The following CRHR1 variants were observed in gnomAD, a reference collection of about 807,000 sequenced individuals.
CRHR1 encodes the protein corticotropin releasing hormone receptor 1.
CRHR1 carries 28 observed loss-of-function variants against 56.0 expected under a neutral mutation model. The ratio of observed to expected loss-of-function variants is 0.50; its 90% CI spans 0.37 to 0.69. The LOEUF is 0.69. Ranked by LOEUF, CRHR1 falls within the 30% of genes least tolerant of loss-of-function variation. The pLI, the probability that CRHR1 is intolerant of heterozygous loss-of-function variation, is 0.00. For synonymous variants in CRHR1, 195 were observed against 216.5 expected, an observed-to-expected ratio of 0.90 and a Z score of 0.87; for missense variants, 376 against 548.0, an observed-to-expected ratio of 0.69 and a Z score of 3.13.
intron 4 of CRHR1, 69 bp downstream of exon 4, chr17:45,821,509 T>G: frequency 2.1e-6 from 3 of 1,428,680 alleles, no homozygotes; most frequent in Middle Eastern, 1.7e-4. Context: ...GTTTTGTGCC[T>G]GCTACTTGGA....
At chr17:45,822,773 A>G (rs927071439) in intron 4 of CRHR1, among the ~76,000 whole-genome samples, 2 of 150,136 alleles carry the variant, frequency 1.3e-5, no homozygotes, top group Admixed American at 6.6e-5. Context: ...ATCGCTTGAA[A>G]CCAGGAGGCG....
chr17:45,794,233 G>C (rs1255494572), intron 1 of CRHR1, among the ~76,000 whole-genome samples: 3 of 152,246 alleles, frequency 2.0e-5, no homozygotes, highest in African/African-American at 4.8e-5. Context: ...GACGAGATGA[G>C]TCTTGACTGC....
chr17:45,808,824 T>C (rs1315631258), intron 2 of CRHR1, among the ~76,000 whole-genome samples: 1 of 152,018 alleles, frequency 6.6e-6, no homozygotes, highest in African/African-American at 2.4e-5. Flanking sequence ...ATTTTTAAAA[T>C]TGTTTTGTAA....
At chr17:45,806,896 G>A in intron 1 of CRHR1, 114 bp from the exon 2 acceptor site, 3 of 798,854 alleles carry the variant, frequency 3.8e-6, no homozygotes, top group Non-Finnish European at 6.2e-6. Flanking sequence ...TGACAGGGTG[G>A]GAGGGGAGGC....
At position 45,788,406 on chromosome 17, in the gene CRHR1, AGG is replaced by A. The variant is rs1208424432; in HGVS notation, c.33+3831_33+3832del. 3.3e-5 allele frequency among the ~76,000 whole-genome samples: 5 copies of A among 152,310 alleles called. No homozygotes were observed. In the East Asian group the frequency reaches 9.6e-4, roughly 29 times the overall value. On this transcript the variant is annotated intron_variant, in intron 1 of 12. Coordinates refer to ENST00000314537, the MANE Select transcript of CRHR1 (RefSeq NM_004382.5). The stretch of plus-strand genomic sequence containing the variant: ...AGGTCTGTGTTTTCAAATACTCCTT[AGG>A]GACATGACCTCACATAGAAAGAGGG...
At chr17:45,827,222 C>T (rs903561606) in intron 4 of CRHR1, 3 of 152,316 alleles carry the variant, frequency 2.0e-5, no homozygotes, top group African/African-American at 4.8e-5. Context: ...GATAACTCCT[C>T]CCCACTCCAA....
chr17:45,786,192 T>A (rs2061333296), intron 1 of CRHR1, among the ~76,000 whole-genome samples: 1 of 151,874 alleles, frequency 6.6e-6, no homozygotes, highest in African/African-American at 2.4e-5. Flanking sequence ...TTCATAGAAT[T>A]GTGTGCAAAT....
intron 1 of CRHR1, among the ~76,000 whole-genome samples, chr17:45,806,770 A>G (rs1427373567): frequency 6.6e-6 from 1 of 152,136 alleles, no homozygotes; most frequent in Non-Finnish European, 1.5e-5. Flanking sequence ...TGATCCTGTC[A>G]GCTTCCCTGC....
chr17:45,825,622 T>A (rs1464990152), intron 4 of CRHR1: 1 of 154,504 alleles, frequency 6.5e-6, no homozygotes, highest in Non-Finnish European at 1.5e-5. Context: ...CCAGGGCTTC[T>A]GAACTGCAGA....
intron 1 of CRHR1, among the ~76,000 whole-genome samples, chr17:45,797,063 T>G (rs1469839609): frequency 6.6e-6 from 1 of 152,212 alleles, no homozygotes; most frequent in Admixed American, 6.5e-5. Context: ...GACCTGGATG[T>G]ACACTCCATT....
intron 11 of CRHR1, 75 bp downstream of exon 11, chr17:45,833,924 G>A: frequency 6.2e-7 from 1 of 1,612,848 alleles, no homozygotes; most frequent in Non-Finnish European, 8.5e-7. Context: ...AGGGCAGGAG[G>A]CCAGGGAGAA....
At chr17:45,795,060 G>A (rs1369405920) in intron 1 of CRHR1, among the ~76,000 whole-genome samples, 1 of 152,208 alleles carries the variant, frequency 6.6e-6, no homozygotes, top group Non-Finnish European at 1.5e-5. Flanking sequence ...GAGATCTGGA[G>A]GAGCTGACCC....
rs60607178 is a variant in CRHR1 at position 45,797,584 on chromosome 17, A to T, written c.34-9426A>T. ...TGAGCCACCACGCCCGGCCCCATGC[A>T]GTTTTATATGCACCATATTGTTGAA... On this transcript the variant is annotated intron_variant, in intron 1 of 12. Coordinates refer to ENST00000314537, the MANE Select transcript of CRHR1 (RefSeq NM_004382.5). Among the ~76,000 whole-genome samples the T allele has an allele frequency of 3.6e-3, 544 of 152,128 alleles. 3 individuals carry two copies. Among genetic ancestry groups the T allele is most frequent in the African/African-American group, 0.012 (510 of 41,512 alleles).
intron 3 of CRHR1, among the ~76,000 whole-genome samples, chr17:45,819,848 G>A (rs2062005159): frequency 6.6e-6 from 1 of 152,222 alleles, no homozygotes; most frequent in African/African-American, 2.4e-5. Context: ...CGAGAGAGGA[G>A]AGGCCACATC....
rs2061293839 is a variant in CRHR1 at position 45,784,541 on chromosome 17, G to C, written c.-4G>C. On this transcript the variant is annotated 5_prime_UTR_variant, in exon 1 of 13. Coordinates refer to ENST00000314537, the MANE Select transcript of CRHR1 (RefSeq NM_004382.5). The surrounding 1 kb of genome is among the most constrained non-coding windows in gnomAD (Gnocchi z 4.2). ...TTCAGGACGGTAGCCGAGCGAGCCC[G>C]AGGATGGGAGGGCACCCGCAGCTCC... The C allele has an allele frequency of 6.4e-7, 1 of 1,552,432 alleles. No homozygotes were observed. Among genetic ancestry groups the C allele is most frequent in the Non-Finnish European group, 8.7e-7 (1 of 1,149,334 alleles).
At chr17:45,786,636 C>T (rs1321521734) in intron 1 of CRHR1, among the ~76,000 whole-genome samples, 5 of 108,388 alleles carry the variant, frequency 4.6e-5, no homozygotes, top group East Asian at 2.9e-4. Flanking sequence ...AGAAAATATC[C>T]TTTTTTTTTT....
At position 45,816,455 on chromosome 17, in the gene CRHR1, G is replaced by GC. The variant is rs750228881; in HGVS notation, c.122-3dup. 24 of 1,613,808 alleles carry GC rather than the reference G, an allele frequency of 1.5e-5. No individual in the cohort carries two copies. Among genetic ancestry groups the GC allele is most frequent in the Non-Finnish European group, 2.0e-5 (24 of 1,179,946 alleles). ...TTGCTGTGCCTTACCAGCCGTCTCT[G>GC]CCCCCAGGACTGCAGTGCAACGCAT... On this transcript the variant is annotated splice_region_variant and splice_polypyrimidine_tract_variant and intron_variant, in intron 2 of 12. Transcript: ENST00000314537.
At chr17:45,788,870 G>A (rs1369909170) in intron 1 of CRHR1, among the ~76,000 whole-genome samples, 2 of 152,176 alleles carry the variant, frequency 1.3e-5, no homozygotes, top group African/African-American at 4.8e-5. Flanking sequence ...TGTACAATTG[G>A]AAAGAACCCG....
intron 2 of CRHR1, among the ~76,000 whole-genome samples, chr17:45,811,151 C>A (rs73313115): frequency 6.6e-6 from 1 of 152,352 alleles, no homozygotes; most frequent in Admixed American, 6.5e-5. Context: ...CTACCATGGG[C>A]GGATCTGCCA....
Sources: gnomAD v4.1 joint callset for allele counts (sites outside exome capture counted in the v4.1 genomes callset) on GRCh38, gnomAD v4.1.1 for gene constraint, Gnocchi (gnomAD v3.1) non-coding constraint, MANE v1.5 for transcripts, NCBI Gene and HGNC (gene_info 2026-07-23, HGNC 2026-07-21) for gene names.